Variants in PPP2R2B observed in about 807,000 individuals in gnomAD.
The protein encoded by PPP2R2B is protein phosphatase 2 regulatory subunit Bbeta.
A neutral mutation model predicts 46.0 loss-of-function variants in PPP2R2B; 5 were observed. The ratio of observed to expected loss-of-function variants is 0.11; its 90% CI spans 0.06 to 0.23. The LOEUF is 0.23. Ranked by LOEUF, PPP2R2B falls within the 10% of genes least tolerant of loss-of-function variation. PPP2R2B has a pLI of 1.00. For missense variants in PPP2R2B, 367 were observed against 575.0 expected (o/e 0.64, Z 3.70); for synonymous variants, 215 against 206.7 (o/e 1.04, Z -0.34).
At chr5:146,743,610 G>C (rs73320102) in intron 2 of PPP2R2B, among the ~76,000 whole-genome samples, 3,587 of 152,112 alleles carry the variant, frequency 0.024, 134 homozygotes, top group African/African-American at 0.079. Context: ...GAGCACTAAG[G>C]CTCTATATGC....
intron 2 of PPP2R2B, among the ~76,000 whole-genome samples, chr5:146,702,550 G>A (rs998997943): frequency 6.6e-6 from 1 of 152,360 alleles, no homozygotes; most frequent in African/African-American, 2.4e-5. Flanking sequence ...TTCAGCTTAA[G>A]CTGATTGGGG....
intron 2 of PPP2R2B, among the ~76,000 whole-genome samples, chr5:147,076,308 TG>T (rs970868888): frequency 2.0e-5 from 3 of 152,108 alleles, no homozygotes; most frequent in African/African-American, 7.2e-5. Context: ...GACTCCATTT[TG>T]GTAAAAAAAA....
intron 1 of PPP2R2B, among the ~76,000 whole-genome samples, chr5:146,926,398 T>C (rs926624246): frequency 4.6e-5 from 7 of 151,040 alleles, no homozygotes; most frequent in South Asian, 2.1e-4. Flanking sequence ...ATTTATTTAC[T>C]TTTTTTTTGT....
intron 1 of PPP2R2B, chr5:146,914,445 A>T (rs1481824709): frequency 3.9e-5 from 6 of 152,164 alleles, no homozygotes; most frequent in Admixed American, 2.0e-4. Flanking sequence ...CTATGTAAAG[A>T]TCACCTCCAA....
At chr5:146,627,824 C>T (rs550055749) in intron 7 of PPP2R2B, among the ~76,000 whole-genome samples, 1 of 152,304 alleles carries the variant, frequency 6.6e-6, no homozygotes, top group South Asian at 2.1e-4. Flanking sequence ...CTCTACTACA[C>T]CCACCTTTGG....
rs775783476 is a variant in PPP2R2B, at chr5:146,638,261, C to T, written c.780G>A (p.Arg260=). 11 of 1,613,162 alleles carry T rather than the reference C, an allele frequency of 6.8e-6. No individual in the cohort carries two copies. In the East Asian group the frequency reaches 1.6e-4, roughly 23 times the overall value. Residue 260 remains arginine, a synonymous_variant, in exon 7 of 10, where the codon AGG becomes AGA. Coordinates refer to ENST00000394411, the MANE Select transcript of PPP2R2B (RefSeq NM_181675.4). The part of the protein sequence containing the change: ...CDMRASALCD[R]HTKFFEEPED... ...TCAGTTGCTACTCACATTTGGTGTG[C>T]CTGTCACACAGGGCAGATGCCCGCA...
At chr5:146,867,963 C>T (rs941414910) in intron 2 of PPP2R2B, among the ~76,000 whole-genome samples, 1 of 152,196 alleles carries the variant, frequency 6.6e-6, no homozygotes, top group African/African-American at 2.4e-5. Flanking sequence ...TTATAACCCC[C>T]ACCATGGAGT....
intron 7 of PPP2R2B, among the ~76,000 whole-genome samples, chr5:146,604,088 G>A (rs1772041690): frequency 1.3e-5 from 2 of 152,232 alleles, no homozygotes; most frequent in East Asian, 3.8e-4. Flanking sequence ...GAACAAGACA[G>A]ATCCAGCACT....
rs141678464 is a variant in PPP2R2B at position 146,602,143 on chromosome 5, A to G, written c.791-1683T>C. On this transcript the variant is annotated intron_variant, in intron 7 of 9. Coordinates refer to ENST00000394411, the MANE Select transcript of PPP2R2B (RefSeq NM_181675.4). ...CTTTTCTTTTCTCTGAAGCCCTATC[A>G]TGCTTGGTCTGGTCATTTATTTAGT... Among the ~76,000 whole-genome samples the G allele has an allele frequency of 2.4e-3, 373 of 152,276 alleles. 2 individuals are homozygous for G. Among genetic ancestry groups the G allele is most frequent in the African/African-American group, 8.3e-3 (346 of 41,560 alleles).
At position 146,959,278 on chromosome 5, in the gene PPP2R2B, T is replaced by A. The variant is rs1272490865; in HGVS notation, c.79+96387A>T. ...TTAATGTTTTCATTCAATTGTTTAA[T>A]GACCGATGTGTGTTTACTGAGTGCC... On this transcript the variant is annotated intron_variant, in intron 1 of 8. Transcript: ENST00000336640. Among the ~76,000 whole-genome samples the A allele has an allele frequency of 2.6e-5, 4 of 152,180 alleles. No individual in the cohort carries two copies. In the East Asian group the frequency reaches 5.8e-4, roughly 22 times the overall value.
chr5:146,708,939 T>A (rs1395572395), intron 2 of PPP2R2B, among the ~76,000 whole-genome samples: 5 of 152,150 alleles, frequency 3.3e-5, no homozygotes, highest in African/African-American at 1.2e-4. Context: ...CTTCTTAACT[T>A]GACACTGCTT....
intron 1 of PPP2R2B, among the ~76,000 whole-genome samples, chr5:146,906,937 A>T (rs1487639811): frequency 6.6e-6 from 1 of 152,166 alleles, no homozygotes; most frequent in Non-Finnish European, 1.5e-5. Flanking sequence ...ATCTACTTCT[A>T]AGAAGACCAG....
intron 3 of PPP2R2B, among the ~76,000 whole-genome samples, 170 bp from the exon 4 acceptor site, chr5:146,698,314 AAAAATATATATAT>A (rs1387453217): frequency 1.1e-5 from 1 of 88,800 alleles, no homozygotes; most frequent in Non-Finnish European, 2.1e-5. Flanking sequence ...AAAAAAAAAA[AAAAATATATATAT>A]ATATATATAT....
upstream of PPP2R2B, chr5:146,878,889 G>T: frequency 2.6e-6 from 3 of 1,154,144 alleles, no homozygotes; most frequent in South Asian, 1.7e-5. The surrounding 1 kb of genome is among the most constrained non-coding windows in gnomAD (Gnocchi z 4.5). Flanking sequence ...GCAGTGGGGC[G>T]CATGCAGCCG....
At chr5:146,783,169 A>C (rs1454246331) in intron 2 of PPP2R2B, among the ~76,000 whole-genome samples, 3 of 152,244 alleles carry the variant, frequency 2.0e-5, no homozygotes, top group Non-Finnish European at 4.4e-5. Context: ...ATCACATGAT[A>C]TAAGAGTATT....
At chr5:146,704,195 C>T (rs1779699909) in intron 2 of PPP2R2B, among the ~76,000 whole-genome samples, 1 of 152,156 alleles carries the variant, frequency 6.6e-6, no homozygotes, top group Admixed American at 6.5e-5. Flanking sequence ...ATTATACATT[C>T]CAATTTCAAG....
chr5:146,633,244 G>A (rs551658044), intron 7 of PPP2R2B, among the ~76,000 whole-genome samples: 2 of 152,248 alleles, frequency 1.3e-5, no homozygotes, highest in South Asian at 2.1e-4. Context: ...CTGATAACAC[G>A]GTTCTCCTCG....
At chr5:146,985,691 T>C in intron 1 of PPP2R2B, among the ~76,000 whole-genome samples, 1 of 152,186 alleles carries the variant, frequency 6.6e-6, no homozygotes, top group East Asian at 1.9e-4. Context: ...CACCACTTAT[T>C]ATTCAATGTA....
intron 7 of PPP2R2B, among the ~76,000 whole-genome samples, chr5:146,637,958 C>T (rs1038849842): frequency 1.3e-5 from 2 of 152,210 alleles, no homozygotes; most frequent in African/African-American, 4.8e-5. Flanking sequence ...AGTCATTCTC[C>T]CCATGGCAGC....
Sources: gnomAD v4.1 joint callset for allele counts (sites outside exome capture counted in the v4.1 genomes callset) on GRCh38, gnomAD v4.1.1 for gene constraint, Gnocchi (gnomAD v3.1) non-coding constraint, MANE v1.5 for transcripts, NCBI Gene and HGNC (gene_info 2026-07-23, HGNC 2026-07-21) for gene names.